Variants in MAPK4 observed in about 807,000 individuals in gnomAD.
MAPK4 encodes Erk3-related.
Under a neutral mutation model 47.7 loss-of-function variants are expected in MAPK4, and 22 were observed. That is an observed-to-expected ratio of 0.46 (90% CI 0.33 to 0.66). The LOEUF is 0.66. MAPK4 is among the 30% of genes least tolerant of loss of function. The pLI, the probability that MAPK4 is intolerant of heterozygous loss-of-function variation, is 0.02. For synonymous variants in MAPK4, 390 were observed against 365.7 expected (o/e 1.07, Z -0.76); for missense variants, 736 against 831.7 (o/e 0.88, Z 1.42).
intron 1 of MAPK4, among the ~76,000 whole-genome samples, chr18:50,582,359 G>A (rs2042353080): frequency 6.6e-6 from 1 of 152,200 alleles, no homozygotes; most frequent in Admixed American, 6.5e-5. Flanking sequence ...TAGTCACACA[G>A]AGTGGCCTAA....
rs1389410185 is a variant in MAPK4 at position 50,729,795 on chromosome 18, A to G, written c.1705A>G (p.Ile569Val). ...ACTGGGCGACCTCAATGGTGCGTGC[A>G]TCCCCGAGCACCCTGGCGACCTCGT... ...NKLGDLNGAC[I>V]PEHPGDLVQT... The change falls in exon 6 of 6, where the codon ATC becomes GTC. Residue 569 changes from isoleucine (I) to valine (V), a missense_variant. This residue lies in a region of MAPK4 where 377 missense variants were observed against 378.6 expected (regional missense o/e 1.00). Coordinates refer to ENST00000400384, the MANE Select transcript of MAPK4 (RefSeq NM_002747.4). 3.1e-6 allele frequency: 5 copies of G among 1,612,354 alleles called. No homozygotes were observed. Among genetic ancestry groups the G allele is most frequent in the Non-Finnish European group, 4.2e-6 (5 of 1,179,784 alleles).
intron 2 of MAPK4, among the ~76,000 whole-genome samples, chr18:50,674,522 C>T (rs1311397963): frequency 6.6e-6 from 1 of 152,204 alleles, no homozygotes; most frequent in Non-Finnish European, 1.5e-5. Context: ...ACTCCACTCC[C>T]TCGTGTTGTA....
At position 50,587,789 on chromosome 18, in the gene MAPK4, C is replaced by T. The variant is rs148047006; in HGVS notation, c.-871+27546C>T. Among the ~76,000 whole-genome samples, 446 of 152,230 alleles carry T rather than the reference C, an allele frequency of 2.9e-3. 7 individuals carry two copies. In the East Asian group the frequency reaches 0.05, roughly 17 times the overall value. ...CATTGCCCAGGCTGTAGTGCAGTGG[C>T]GCGATCTCGGCTCATTGCAACTTCT... is the stretch of plus-strand genomic sequence containing the variant. On this transcript the variant is annotated intron_variant, in intron 1 of 5. Transcript: ENST00000400384.
intron 1 of MAPK4, among the ~76,000 whole-genome samples, chr18:50,572,732 G>A (rs907503550): frequency 2.6e-5 from 4 of 151,972 alleles, no homozygotes; most frequent in Admixed American, 6.6e-5. Flanking sequence ...TTCTCCCTTC[G>A]TTAACCAACA....
At chr18:50,721,189 T>C (rs1910917129) in intron 3 of MAPK4, among the ~76,000 whole-genome samples, 1 of 152,192 alleles carries the variant, frequency 6.6e-6, no homozygotes, top group African/African-American at 2.4e-5. Flanking sequence ...AGTGGTTGTC[T>C]GGGTGTGGGA....
chr18:50,722,145 TAGGCTCCACCTTGCGGGGTAGGGGGC>T (rs1237621475), intron 4 of MAPK4, 46 bp downstream of exon 4: 1 of 1,583,370 alleles, frequency 6.3e-7, no homozygotes, highest in Non-Finnish European at 8.6e-7. Context: ...GAGGATGAGC[TAGGCTCCACCTTGCGGGGTAGGGGGC>T]AGGCAGGTCT....
At chr18:50,599,514 G>T (rs1459335677) in intron 1 of MAPK4, among the ~76,000 whole-genome samples, 1 of 152,110 alleles carries the variant, frequency 6.6e-6, no homozygotes, top group Non-Finnish European at 1.5e-5. Context: ...TGCCTTTTGG[G>T]TTCAAGCAAT....
At chr18:50,712,478 T>A (rs112327295) in intron 2 of MAPK4, among the ~76,000 whole-genome samples, 2 of 148,610 alleles carry the variant, frequency 1.3e-5, no homozygotes, top group African/African-American at 5.0e-5. Flanking sequence ...TTTTAAAGAG[T>A]GTGAAGAACA....
At chr18:50,707,693 T>G (rs569345468) in intron 2 of MAPK4, among the ~76,000 whole-genome samples, 30 of 152,250 alleles carry the variant, frequency 2.0e-4, no homozygotes, top group African/African-American at 7.2e-4. Context: ...CTTTATGGTA[T>G]GTGTATTTTA....
At chr18:50,625,230 G>A (rs9951255) in intron 1 of MAPK4, among the ~76,000 whole-genome samples, 30 of 152,144 alleles carry the variant, frequency 2.0e-4, no homozygotes, top group African/African-American at 7.2e-4. Context: ...GCTGGTCCTG[G>A]AAAATGCAGG....
intron 1 of MAPK4, among the ~76,000 whole-genome samples, chr18:50,659,270 A>G (rs1848983435): frequency 6.6e-6 from 1 of 152,218 alleles, no homozygotes; most frequent in Admixed American, 6.5e-5. Context: ...GGTGCCACCT[A>G]GAACTGTGCA....
At chr18:50,598,487 A>G (rs966844235) in intron 1 of MAPK4, among the ~76,000 whole-genome samples, 5 of 152,218 alleles carry the variant, frequency 3.3e-5, no homozygotes, top group Admixed American at 1.3e-4. Flanking sequence ...AACTTCTAAG[A>G]AAAAACAAAA....
chr18:50,726,273 T>C (rs1400981430), intron 5 of MAPK4, 98 bp downstream of exon 5: 1 of 1,175,438 alleles, frequency 8.5e-7, no homozygotes, highest in Non-Finnish European at 1.2e-6. Context: ...TCTCCCAAGT[T>C]GCATAGCTCA....
intron 1 of MAPK4, among the ~76,000 whole-genome samples, chr18:50,645,122 C>T (rs571552761): frequency 6.6e-6 from 1 of 152,254 alleles, no homozygotes; most frequent in East Asian, 1.9e-4. Context: ...CGGGATATGG[C>T]GAAAGACACG....
chr18:50,602,516 T>A (rs1598814643), intron 1 of MAPK4, among the ~76,000 whole-genome samples: 1 of 152,134 alleles, frequency 6.6e-6, no homozygotes, highest in East Asian at 1.9e-4. Context: ...ATTTCCACAT[T>A]AAAAAGTGCA....
At chr18:50,560,704 AG>A (rs1388950820) in intron 1 of MAPK4, 1 of 152,420 alleles carries the variant, frequency 6.6e-6, no homozygotes, top group African/African-American at 2.4e-5. Context: ...TTCTCGTTGA[AG>A]GGTTAATACA....
intron 1 of MAPK4, among the ~76,000 whole-genome samples, chr18:50,650,336 C>T (rs1228040612): frequency 1.3e-5 from 2 of 150,892 alleles, no homozygotes; most frequent in East Asian, 2.0e-4. Context: ...ACTACCCCCT[C>T]CCTTTCTCTC....
At chr18:50,683,806 G>C (rs1908717904) in intron 2 of MAPK4, among the ~76,000 whole-genome samples, 1 of 152,178 alleles carries the variant, frequency 6.6e-6, no homozygotes, top group Admixed American at 6.5e-5. Flanking sequence ...TGGCAACACA[G>C]CTGGATGTAG....
chr18:50,688,241 G>A (rs575261212), intron 2 of MAPK4, among the ~76,000 whole-genome samples: 2 of 152,206 alleles, frequency 1.3e-5, no homozygotes, highest in Non-Finnish European at 2.9e-5. Context: ...AGGGAGGCAG[G>A]AGCCAGTGCA....
Sources: allele counts gnomAD v4.1 joint callset (sites outside exome capture counted in the v4.1 genomes callset), GRCh38; gene constraint gnomAD v4.1.1; regional missense constraint gnomAD v4.1.1; transcripts MANE v1.5; gene names NCBI Gene and HGNC (gene_info 2026-07-23, HGNC 2026-07-21).